Variants in PTPRG observed in about 807,000 individuals in gnomAD.
The protein encoded by PTPRG is protein tyrosine phosphatase receptor type G, also known as receptor-type tyrosine-protein phosphatase gamma.
A neutral mutation model predicts 165.3 loss-of-function variants in PTPRG; 102 were observed. The observed-to-expected ratio is 0.62, with a 90% CI of 0.53 to 0.73. The LOEUF is 0.73. Ranked by LOEUF, PTPRG falls within the 30% of genes least tolerant of loss-of-function variation. The pLI, the probability that PTPRG is intolerant of heterozygous loss-of-function variation, is 0.00. For synonymous variants in PTPRG, 675 were observed against 669.5 expected (o/e 1.01, Z -0.13); for missense variants, 1,866 against 1,861.4 (o/e 1.00, Z -0.05).
At chr3:61,617,678 G>A (rs933562807) in intron 1 of PTPRG, among the ~76,000 whole-genome samples, 9 of 152,160 alleles carry the variant, frequency 5.9e-5, no homozygotes, top group Non-Finnish European at 1.3e-4. Flanking sequence ...CTCCAGCAAG[G>A]GAACCTGAAT....
chr3:61,975,664 CTT>C (rs3069594), intron 2 of PTPRG, among the ~76,000 whole-genome samples: 80,217 of 149,390 alleles, frequency 0.54, 21,693 homozygotes, highest in African/African-American at 0.65. Context: ...CTGAAGAATA[CTT>C]TTTTTTTTTT....
chr3:62,112,736 G>T (rs1320541901), intron 5 of PTPRG, among the ~76,000 whole-genome samples: 1 of 152,186 alleles, frequency 6.6e-6, no homozygotes, highest in Non-Finnish European at 1.5e-5. Context: ...GATCACAACT[G>T]ATATCAGGGT....
intron 2 of PTPRG, among the ~76,000 whole-genome samples, chr3:61,946,759 C>T (rs1407067286): frequency 6.6e-6 from 1 of 152,216 alleles, no homozygotes; most frequent in East Asian, 1.9e-4. Context: ...AATTTGAAGA[C>T]ATCTGTTTAC....
At chr3:61,802,591 A>T (rs2035282460) in intron 2 of PTPRG, among the ~76,000 whole-genome samples, 1 of 152,198 alleles carries the variant, frequency 6.6e-6, no homozygotes, top group Admixed American at 6.5e-5. Context: ...TTCTCATTGG[A>T]GCCTATTATC....
At chr3:62,205,344 C>T (rs576109348) in intron 12 of PTPRG, among the ~76,000 whole-genome samples, 11 of 152,246 alleles carry the variant, frequency 7.2e-5, no homozygotes, top group South Asian at 2.1e-4. Flanking sequence ...CATTTGAAGA[C>T]GCTGAAGAAA....
At chr3:61,934,773 G>T (rs1001394015) in intron 2 of PTPRG, among the ~76,000 whole-genome samples, 1 of 152,038 alleles carries the variant, frequency 6.6e-6, no homozygotes, top group Non-Finnish European at 1.5e-5. Context: ...CTTAAACTTG[G>T]GTGGCCAGCA....
At chr3:62,101,819 T>G (rs1331397720) in intron 5 of PTPRG, among the ~76,000 whole-genome samples, 1 of 152,210 alleles carries the variant, frequency 6.6e-6, no homozygotes, top group Non-Finnish European at 1.5e-5. Context: ...TCTTGATACT[T>G]ATTTCCAAAG....
chr3:61,710,647 G>A (rs1015773106), intron 1 of PTPRG, among the ~76,000 whole-genome samples: 5 of 151,972 alleles, frequency 3.3e-5, no homozygotes, highest in African/African-American at 1.2e-4. Context: ...GCTATTGTTA[G>A]TGTTAGTGTA....
At chr3:61,580,143 G>A (rs946506309) in intron 1 of PTPRG, among the ~76,000 whole-genome samples, 2 of 152,212 alleles carry the variant, frequency 1.3e-5, no homozygotes, top group South Asian at 2.1e-4. Context: ...AAGCTCCTGG[G>A]GAGTCCAGAG....
intron 4 of PTPRG, among the ~76,000 whole-genome samples, chr3:62,042,553 CGCACCGCCACCCT>C (rs1182046620): frequency 1.3e-5 from 2 of 152,032 alleles, no homozygotes; most frequent in Non-Finnish European, 2.9e-5. Flanking sequence ...TTCTTCCTCC[CGCACCGCCACCCT>C]GCATGACCAT....
At position 61,674,682 on chromosome 3, in the gene PTPRG, A is replaced by T. The variant is rs574898405; in HGVS notation, c.86-74196A>T. On this transcript the variant is annotated intron_variant, in intron 1 of 29. Coordinates refer to ENST00000474889, the MANE Select transcript of PTPRG (RefSeq NM_002841.4). ...TTGAAAATGAATTAAAAATAATTTT[A>T]TCTTGACCTTTCTCTTTGTAACTTT... Among the ~76,000 whole-genome samples the T allele has an allele frequency of 1.1e-4, 16 of 152,220 alleles. No individual in the cohort carries two copies. The South Asian group carries it at 3.1e-3, about 30-fold the overall frequency.
intron 11 of PTPRG, among the ~76,000 whole-genome samples, chr3:62,202,946 T>G (rs1236505004): frequency 6.6e-6 from 1 of 152,216 alleles, no homozygotes; most frequent in East Asian, 1.9e-4. Flanking sequence ...CGACTAGTTA[T>G]GCATTTTAAC....
intron 1 of PTPRG, among the ~76,000 whole-genome samples, chr3:61,596,228 A>G (rs2365950): frequency 0.9 from 136,035 of 151,906 alleles, 61,014 homozygotes; most frequent in South Asian, 0.97. Context: ...CCTGAACCCC[A>G]CAGTCTCAAC....
At chr3:61,633,882 C>T (rs1701832342) in intron 1 of PTPRG, among the ~76,000 whole-genome samples, 1 of 150,312 alleles carries the variant, frequency 6.7e-6, no homozygotes, top group Non-Finnish European at 1.5e-5. Flanking sequence ...TCTGTTATTC[C>T]TAGTTTGTCG....
At chr3:61,705,919 C>A (rs1304326369) in intron 1 of PTPRG, among the ~76,000 whole-genome samples, 1 of 152,166 alleles carries the variant, frequency 6.6e-6, no homozygotes, top group East Asian at 1.9e-4. Context: ...AATACACAAG[C>A]ATACTCCGAT....
intron 1 of PTPRG, among the ~76,000 whole-genome samples, chr3:61,668,644 A>T (rs544279034): frequency 4.6e-5 from 7 of 152,312 alleles, no homozygotes; most frequent in African/African-American, 1.7e-4. Context: ...GAAATGTGTA[A>T]GGCTTTAATT....
At chr3:61,587,606 A>G (rs922589142) in intron 1 of PTPRG, among the ~76,000 whole-genome samples, 1 of 152,078 alleles carries the variant, frequency 6.6e-6, no homozygotes, top group Non-Finnish European at 1.5e-5. Flanking sequence ...TTATCCCACT[A>G]ATGTCTTTTA....
At chr3:61,904,936 ATGT>A (rs1233151166) in intron 2 of PTPRG, among the ~76,000 whole-genome samples, 2 of 151,948 alleles carry the variant, frequency 1.3e-5, no homozygotes, top group Non-Finnish European at 2.9e-5. Flanking sequence ...CTCAAAAGTA[ATGT>A]TGTAAATGGG....
intron 1 of PTPRG, among the ~76,000 whole-genome samples, chr3:61,576,055 C>T (rs1378276121): frequency 6.6e-6 from 1 of 152,206 alleles, no homozygotes; most frequent in Admixed American, 6.5e-5. Flanking sequence ...GGAGCTGTGA[C>T]AGCAGAGATC....
Sources: allele counts gnomAD v4.1 joint callset (sites outside exome capture counted in the v4.1 genomes callset), GRCh38; gene constraint gnomAD v4.1.1; transcripts MANE v1.5; gene names NCBI Gene and HGNC (gene_info 2026-07-23, HGNC 2026-07-21).